The following RTN4 variants were observed in gnomAD, a reference collection of about 807,000 sequenced individuals.
RTN4 encodes the protein reticulon-4.
RTN4 carries 32 observed loss-of-function variants against 90.4 expected under a neutral mutation model. The ratio of observed to expected loss-of-function variants is 0.35; its 90% CI spans 0.27 to 0.48. RTN4 has a LOEUF of 0.48. Among genes scored for constraint, RTN4 ranks in the 20% least tolerant of loss-of-function variants. The pLI, the probability that RTN4 is intolerant of heterozygous loss-of-function variation, is 0.99. For synonymous variants in RTN4, 629 were observed against 552.5 expected, an observed-to-expected ratio of 1.14 and a Z score of -1.94; for missense variants, 1,706 against 1,430.2, an observed-to-expected ratio of 1.19 and a Z score of -3.11.
intron 1 of RTN4, among the ~76,000 whole-genome samples, chr2:55,048,337 CT>C (rs1667887097): frequency 6.6e-6 from 1 of 152,138 alleles, no homozygotes; most frequent in South Asian, 2.1e-4. Context: ...CTAAATTTAT[CT>C]TTAGATATAT....
chr2:55,029,552 G>C (rs1317477258), intron 1 of RTN4, among the ~76,000 whole-genome samples: 4 of 152,150 alleles, frequency 2.6e-5, no homozygotes, highest in Non-Finnish European at 4.4e-5. Context: ...AGCTAGACAA[G>C]GCTGATCAAA....
chr2:54,973,247 T>TA (rs750189429), intron 8 of RTN4, 49 bp from the exon 9 acceptor site: 86 of 1,429,884 alleles, frequency 6.0e-5, no homozygotes, highest in Non-Finnish European at 8.1e-5. Context: ...TGCTGCTGCT[T>TA]AAAATACCAT....
At chr2:55,066,819 C>T (rs1019191764) in intron 2 of RTN4, among the ~76,000 whole-genome samples, 1 of 151,906 alleles carries the variant, frequency 6.6e-6, no homozygotes, top group African/African-American at 2.4e-5. Flanking sequence ...TTTTATAAGT[C>T]AAAAATGTGA....
upstream of RTN4, among the ~76,000 whole-genome samples, chr2:55,055,775 AAAAAACAAAAAAAAC>A (rs1302002808): frequency 6.6e-5 from 10 of 151,666 alleles, no homozygotes; most frequent in Non-Finnish European, 1.2e-4. Context: ...GTCTCAAAAA[AAAAAACAAAAAAAAC>A]AAAAACAAAA....
upstream of RTN4, among the ~76,000 whole-genome samples, chr2:55,052,949 T>C (rs893023378): frequency 2.0e-5 from 3 of 152,204 alleles, no homozygotes; most frequent in African/African-American, 4.8e-5. Flanking sequence ...TGCATTCATA[T>C]ATCCCTGTAC....
At position 55,026,745 on chromosome 2, in the gene RTN4, C is replaced by G; in HGVS notation, c.1354G>C (p.Glu452Gln). Residue 452 changes from glutamate to glutamine, a missense_variant, in exon 3 of 9, where the codon GAA (glutamate) becomes CAA (glutamine). Physicochemically the swap from Glu to Gln is conservative, Grantham distance 29. Transcript: ENST00000337526. ...NDDTSFPSTP[E>Q]GIKDRSGAYI... is the part of the protein sequence containing the mutation. ...GCTCCTGAACGATCCTTTATACCTTCTGGCGTACTGGGGAAAGAAGTATCA... is the reference window on the plus strand; with the variant it reads ...GCTCCTGAACGATCCTTTATACCTTGTGGCGTACTGGGGAAAGAAGTATCA... 1 of 1,613,920 alleles carries G rather than the reference C, an allele frequency of 6.2e-7. No homozygotes were observed. Among genetic ancestry groups the G allele is most frequent in the Non-Finnish European group, 8.5e-7 (1 of 1,179,886 alleles).
At position 55,049,824 on chromosome 2, in the gene RTN4, C is replaced by T; in HGVS notation, c.477G>A (p.Trp159Ter). 1 of 1,309,828 alleles carries T rather than the reference C, an allele frequency of 7.6e-7. No homozygotes were observed. Among genetic ancestry groups the T allele is most frequent in the South Asian group, 2.1e-5 (1 of 46,684 alleles). The allele number at this position is 1,309,828 out of a possible 1,614,324, so 81.1% of individuals were successfully genotyped here. ...ASVSPQAEPVWTPPAPAPAAP... is the reference protein window; with the variant it reads ...ASVSPQAEPV ...CGGCGGGAGCCGGGGCTGGCGGGGTCCACACGGGCTCTGCCTGGGGGCTCA... is the reference window on the plus strand; with the variant it reads ...CGGCGGGAGCCGGGGCTGGCGGGGTTCACACGGGCTCTGCCTGGGGGCTCA... Residue 159 changes from tryptophan (W) to a stop codon, truncating the protein, a stop_gained, in exon 1 of 9, where the codon TGG becomes TGA. Transcript: ENST00000337526. LOFTEE classifies it high-confidence loss of function.
intron 2 of RTN4, among the ~76,000 whole-genome samples, chr2:55,075,463 A>T (rs1025618728): frequency 6.6e-6 from 1 of 152,248 alleles, no homozygotes; most frequent in Admixed American, 6.5e-5. Flanking sequence ...ATGGAAACAC[A>T]TCCCATGCTT....
the RTN4 span, among the ~76,000 whole-genome samples, chr2:55,136,995 C>A: frequency 6.6e-6 from 1 of 152,102 alleles, no homozygotes; most frequent in Admixed American, 6.5e-5. Context: ...GGCAGTCCTG[C>A]GGAGGAGAGA....
Position 55,025,488 on chromosome 2 carries a change from A to G in RTN4, c.2611T>C (p.Phe871Leu), listed in dbSNP as rs1265362797. ...DSSPIEIIDE[F>L]PTLISSKTDS... ...GTTTTAGAACTGATCAATGTAGGGA[A>G]CTCATCTATAATTTCAATTGGAGAT... Residue 871 changes from phenylalanine to leucine, a missense_variant, in exon 3 of 9, where the codon TTC (phenylalanine) becomes CTC (leucine). Transcript: ENST00000337526. 6.2e-7 allele frequency: 1 copy of G among 1,613,442 alleles called. No homozygotes were observed. Among genetic ancestry groups the G allele is most frequent in the Non-Finnish European group, 8.5e-7 (1 of 1,179,742 alleles).
At chr2:54,993,488 A>T (rs1379551983) in intron 3 of RTN4, among the ~76,000 whole-genome samples, 1 of 152,212 alleles carries the variant, frequency 6.6e-6, no homozygotes, top group Admixed American at 6.5e-5. Flanking sequence ...ATGATACCAG[A>T]ATAGTCATGT....
chr2:55,003,623 T>C (rs985313769), intron 3 of RTN4, among the ~76,000 whole-genome samples: 1 of 152,194 alleles, frequency 6.6e-6, no homozygotes, highest in East Asian at 1.9e-4. Flanking sequence ...TAGCAAGAGA[T>C]GGGACCAAGT....
rs964777101 is a variant in RTN4, at chr2:55,098,239, G to C, written c.-214+14281C>G. ...GTGTTTAGTAAATGTTTGTGGTCTT[G>C]TGGTGGAGATTTAAGGATTATTCAT... On this transcript the variant is annotated intron_variant, in intron 1 of 3. Transcript: ENST00000427710. Among the ~76,000 whole-genome samples, 5 of 152,120 alleles carry C rather than the reference G, an allele frequency of 3.3e-5. 1 individual carries two copies. Among genetic ancestry groups the C allele is most frequent in the African/African-American group, 1.2e-4 (5 of 41,378 alleles).
intron 1 of RTN4, among the ~76,000 whole-genome samples, chr2:55,035,440 T>A (rs749701416): frequency 3.9e-5 from 6 of 152,064 alleles, no homozygotes; most frequent in Non-Finnish European, 8.8e-5. Flanking sequence ...CTGAATCAAA[T>A]GATCATGAAA....
chr2:55,044,484 GA>G (rs1683284744), intron 1 of RTN4, among the ~76,000 whole-genome samples: 1 of 152,142 alleles, frequency 6.6e-6, no homozygotes, highest in African/African-American at 2.4e-5. Flanking sequence ...GTCCAGGCAG[GA>G]GGATTGCTTC....
chr2:55,023,663 T>C (rs761526891), intron 3 of RTN4, among the ~76,000 whole-genome samples: 2 of 152,096 alleles, frequency 1.3e-5, no homozygotes, highest in Non-Finnish European at 2.9e-5. Context: ...CTCCACTGCA[T>C]ACTCTCCTTC....
Position 55,010,146 on chromosome 2 carries a change from T to C in RTN4, c.3013+14940A>G, listed in dbSNP as rs202008600. ...CTCTTGTCACGATCTGCTTTGCAGC[T>C]CCAATTATTAATTATGCATACCAAC... On this transcript the variant is annotated intron_variant, in intron 3 of 8. Transcript: ENST00000337526. The C allele has an allele frequency of 1.5e-5, 24 of 1,613,184 alleles. No individual in the cohort carries two copies. In the African/African-American group the frequency reaches 2.7e-4, roughly 18 times the overall value.
the RTN4 span, among the ~76,000 whole-genome samples, chr2:55,121,873 T>C: frequency 6.6e-6 from 1 of 152,204 alleles, no homozygotes; most frequent in Admixed American, 6.5e-5. Context: ...CACTGTACTT[T>C]TCTATATTTA....
At chr2:55,115,761 T>C (rs970755614), upstream of RTN4, among the ~76,000 whole-genome samples, 2 of 152,232 alleles carry the variant, frequency 1.3e-5, no homozygotes, top group Non-Finnish European at 1.5e-5. Flanking sequence ...TTACCACATA[T>C]GGGCAGGGAA....
Sources: gnomAD v4.1 joint callset for allele counts (sites outside exome capture counted in the v4.1 genomes callset) on GRCh38, gnomAD v4.1.1 for gene constraint, MANE v1.5 for transcripts, NCBI Gene and HGNC (gene_info 2026-07-23, HGNC 2026-07-21) for gene names.